Variants in SNED1 observed in about 807,000 individuals in gnomAD.
SNED1 encodes the protein sushi, nidogen and EGF-like domain-containing protein 1.
A neutral mutation model predicts 166.7 loss-of-function variants in SNED1; 81 were observed. The ratio of observed to expected loss-of-function variants is 0.49; its 90% CI spans 0.41 to 0.58. SNED1 has a LOEUF of 0.58. Ranked by LOEUF, SNED1 falls within the 20% of genes least tolerant of loss-of-function variation. The pLI is 0.00. For synonymous variants in SNED1, 762 were observed against 822.0 expected (o/e 0.93, Z 1.25); for missense variants, 1,604 against 2,000.2 (o/e 0.80, Z 3.78).
chr2:241,072,444 G>C (rs539443005), intron 26 of SNED1: 75 of 357,188 alleles, frequency 2.1e-4, no homozygotes, highest in African/African-American at 1.5e-3. Context: ...GAGTGAGGCA[G>C]GCGCGACCCT....
chr2:241,034,060 A>G (rs1170526712), intron 3 of SNED1, among the ~76,000 whole-genome samples, 185 bp downstream of exon 3: 1 of 152,134 alleles, frequency 6.6e-6, no homozygotes, highest in African/African-American at 2.4e-5. Flanking sequence ...AAACATCCTC[A>G]GGCCCAAAGG....
intron 10 of SNED1, 40 bp downstream of exon 10, chr2:241,048,806 A>T (rs746903492): frequency 1.9e-5 from 28 of 1,496,956 alleles, no homozygotes; most frequent in Non-Finnish European, 2.4e-5. Context: ...GTCCCTGAGC[A>T]TCCTCATAAT....
At chr2:241,033,461 C>G (rs2061248998) in intron 2 of SNED1, 1 of 412,644 alleles carries the variant, frequency 2.4e-6, no homozygotes, top group South Asian at 4.1e-5. Flanking sequence ...TGTCTGCTCC[C>G]ATCTGTGGGC....
intron 1 of SNED1, among the ~76,000 whole-genome samples, chr2:241,003,316 G>A (rs1004096998): frequency 2.6e-5 from 4 of 152,214 alleles, no homozygotes; most frequent in East Asian, 1.9e-4. Context: ...GGCCTCAGAC[G>A]ACAGCCTGGG....
chr2:241,050,549 C>T (rs562956984), intron 12 of SNED1, among the ~76,000 whole-genome samples: 1 of 152,294 alleles, frequency 6.6e-6, no homozygotes, highest in Admixed American at 6.5e-5. Context: ...GGTGTGGAGC[C>T]TTCCACGGCC....
intron 1 of SNED1, among the ~76,000 whole-genome samples, chr2:241,027,741 T>TA: frequency 6.6e-6 from 1 of 151,620 alleles, no homozygotes; most frequent in Middle Eastern, 3.4e-3. Context: ...CTGTTTTTTT[T>TA]TTTTTTTTTT....
rs772958236 is a variant in SNED1, at chr2:241,067,808, A to G, written c.3055A>G (p.Ser1019Gly). Residue 1019 changes from serine (S) to glycine (G), a missense_variant, in exon 22 of 32, where the codon AGC becomes GGC. Physicochemically the swap from Ser to Gly is moderately conservative, Grantham distance 56. This residue lies in a region of SNED1 where 1,237 missense variants were observed against 1,620.8 expected (regional missense o/e 0.76). Transcript: ENST00000310397. Reference protein sequence around the residue: ...EGFEVTNVTASTISVQWALHR... With the variant: ...EGFEVTNVTAGTISVQWALHR... ...CTTCGAGGTCACCAATGTGACGGCTAGCACCATCTCAGTGCAGTGGGCCCT... is the reference window on the plus strand; with the variant it reads ...CTTCGAGGTCACCAATGTGACGGCTGGCACCATCTCAGTGCAGTGGGCCCT... 4.3e-6 allele frequency: 7 copies of G among 1,613,126 alleles called. No homozygotes were observed. In the East Asian group the frequency reaches 1.6e-4, roughly 36 times the overall value.
At chr2:241,059,788 C>G (rs564195785) in intron 16 of SNED1, among the ~76,000 whole-genome samples, 126 of 152,292 alleles carry the variant, frequency 8.3e-4, no homozygotes, top group African/African-American at 2.9e-3. Flanking sequence ...AAAGGACATC[C>G]ATTAAAAACC....
chr2:241,089,772 C>A (rs2063790230), intron 31 of SNED1, among the ~76,000 whole-genome samples: 1 of 152,230 alleles, frequency 6.6e-6, no homozygotes, highest in Non-Finnish European at 1.5e-5. Flanking sequence ...TTCATCTGGG[C>A]GAACATCATA....
chr2:241,043,735 GTAAA>G (rs1453176776), intron 8 of SNED1, among the ~76,000 whole-genome samples: 9 of 152,326 alleles, frequency 5.9e-5, no homozygotes, highest in Admixed American at 5.9e-4. Context: ...GGGCCAGAAA[GTAAA>G]TACTTTTGGC....
intron 30 of SNED1, chr2:241,087,713 T>C: frequency 7.4e-7 from 1 of 1,357,622 alleles, no homozygotes. Context: ...GGGGTCACTC[T>C]GGTTATGCAT....
chr2:241,088,546 A>C, intron 31 of SNED1, 144 bp downstream of exon 31: 2 of 685,770 alleles, frequency 2.9e-6, no homozygotes, highest in Non-Finnish European at 2.6e-6. Flanking sequence ...TGTGTTACAG[A>C]CTCCCGGGCA....
chr2:240,997,736 C>T (rs1321891904), upstream of SNED1, among the ~76,000 whole-genome samples: 1 of 152,150 alleles, frequency 6.6e-6, no homozygotes, highest in Non-Finnish European at 1.5e-5. Context: ...CAGTGTGGCA[C>T]GCAGCCAACA....
chr2:241,069,759 C>T lies in SNED1; in HGVS notation c.3308-161C>T, dbSNP rs1437769024. 1.3e-5 allele frequency among the ~76,000 whole-genome samples: 2 copies of T among 152,034 alleles called. No individual in the cohort carries two copies. Among genetic ancestry groups the T allele is most frequent in the South Asian group, 2.1e-4 (1 of 4,818 alleles). On this transcript the variant is annotated intron_variant, in intron 23 of 31. Coordinates refer to ENST00000310397, the MANE Select transcript of SNED1 (RefSeq NM_001080437.3). The surrounding 1 kb of genome is among the most constrained non-coding windows in gnomAD (Gnocchi z 4.9). Reference sequence around the variant, plus strand: ...CTCTCGGTTGGAAGATTGTGCTGTACGTGCCAGCCCACACCCCGCCTCGGC... The same window carrying T: ...CTCTCGGTTGGAAGATTGTGCTGTATGTGCCAGCCCACACCCCGCCTCGGC...
chr2:241,003,134 C>G (rs376977982), intron 1 of SNED1, among the ~76,000 whole-genome samples: 2 of 151,244 alleles, frequency 1.3e-5, no homozygotes, highest in South Asian at 2.1e-4. Context: ...CCGGGCCCCC[C>G]GCTCAGGCAC....
chr2:241,050,532 CT>C (rs1478107331), intron 12 of SNED1, among the ~76,000 whole-genome samples: 1 of 152,202 alleles, frequency 6.6e-6, no homozygotes, highest in Non-Finnish European at 1.5e-5. Context: ...CCCCCGCAGC[CT>C]GGACTGGTGT....
intron 5 of SNED1, 91 bp from the exon 6 acceptor site, chr2:241,037,149 C>T (rs1029077938): frequency 1.6e-5 from 19 of 1,190,000 alleles, no homozygotes; most frequent in Non-Finnish European, 2.3e-5. Context: ...CGGGCTTGCT[C>T]CTCCTCCGTC....
rs185219816 is a variant in SNED1 at position 241,072,042 on chromosome 2, C to G, written c.3817+164C>G. The G allele has an allele frequency of 1.8e-3, 1,281 of 725,792 alleles. 9 individuals carry two copies. The African/African-American group carries it at 0.019, about 11-fold the overall frequency. The allele number at this position is 725,792 out of a possible 1,614,324, so 45.0% of individuals were successfully genotyped here. A position where few individuals can be genotyped will look rare whatever the true frequency, so the allele number is the denominator to read the frequency against. On this transcript the variant is annotated intron_variant, in intron 26 of 31. Transcript: ENST00000310397. Reference sequence around the variant, plus strand: ...GTGCACAAGGCGCGGGGCTCGTGGGCCGCCGGCAGCATGCACCTCCATGGC... The same window carrying G: ...GTGCACAAGGCGCGGGGCTCGTGGGGCGCCGGCAGCATGCACCTCCATGGC...
At chr2:241,011,363 G>A (rs1479547439) in intron 1 of SNED1, among the ~76,000 whole-genome samples, 4 of 151,964 alleles carry the variant, frequency 2.6e-5, no homozygotes, top group Non-Finnish European at 5.9e-5. Flanking sequence ...CAGTGGCGCT[G>A]GGCAGGACTG....
Sources: gnomAD v4.1 joint callset for allele counts (sites outside exome capture counted in the v4.1 genomes callset) on GRCh38, gnomAD v4.1.1 for gene constraint, gnomAD v4.1.1 regional missense constraint, Gnocchi (gnomAD v3.1) non-coding constraint, MANE v1.5 for transcripts, NCBI Gene and HGNC (gene_info 2026-07-23, HGNC 2026-07-21) for gene names.